CFAP92: variants seen among roughly 807,000 people sequenced by gnomAD.
The protein encoded by CFAP92 is cilia and flagella associated protein 92 (putative).
Under a neutral mutation model 106.3 loss-of-function variants are expected in CFAP92, and 86 were observed. The ratio of observed to expected loss-of-function variants is 0.81; its 90% confidence interval spans 0.68 to 0.97. The LOEUF is 0.97. CFAP92 is among the 50% of genes least tolerant of loss of function. The pLI, the probability that CFAP92 is intolerant of heterozygous loss-of-function variation, is 0.00. For synonymous variants in CFAP92, 477 were observed against 506.4 expected, an observed-to-expected ratio of 0.94 and a Z score of 0.78; for missense variants, 1,204 against 1,283.8, an observed-to-expected ratio of 0.94 and a Z score of 0.95.
chr3:128,992,931 T>G, intron 2 of CFAP92, 112 bp downstream of exon 2: 51 of 1,292,018 alleles, frequency 3.9e-5, no homozygotes, highest in African/African-American at 5.8e-5. Context: ...CCAGCCCGCT[T>G]TGGGGTGGGG....
chr3:128,962,891 C>T (rs1472787900), intron 9 of CFAP92, among the ~76,000 whole-genome samples: 2 of 152,162 alleles, frequency 1.3e-5, no homozygotes, highest in Non-Finnish European at 2.9e-5. Flanking sequence ...GTGCCAAACC[C>T]ATATACTCTC....
intron 15 of CFAP92, chr3:128,910,640 C>A: frequency 7.7e-7 from 1 of 1,299,828 alleles, no homozygotes. Context: ...CCTTGTGACC[C>A]CTGCCATGCT....
Position 128,910,482 on chromosome 3 carries a change from C to A in CFAP92, c.3281-149G>T. The stretch of plus-strand genomic sequence containing the variant: ...CTGTATACCAGGATCTCTGCCTGCA[C>A]TTTCCAGAGCACCTGCAGATACCAG... On this transcript the variant is annotated intron_variant, in intron 15 of 15. Coordinates refer to ENST00000645291, the MANE Select transcript of CFAP92 (RefSeq NM_001394090.1). 4.8e-6 allele frequency: 4 copies of A among 827,252 alleles called. No homozygotes were observed. The South Asian group carries it at 5.2e-5, about 11-fold the overall frequency. The allele number at this position is 827,252 out of a possible 1,614,324, so 51.2% of individuals were successfully genotyped here.
At chr3:128,993,557 A>G in intron 1 of CFAP92, 2 of 546,762 alleles carry the variant, frequency 3.7e-6, no homozygotes, top group South Asian at 4.2e-5. Flanking sequence ...GGCTGGCAGT[A>G]AGCACGACGA....
upstream of CFAP92, among the ~76,000 whole-genome samples, chr3:129,006,417 A>G (rs1168089908): frequency 6.6e-6 from 1 of 152,212 alleles, no homozygotes; most frequent in African/African-American, 2.4e-5. Context: ...CCCAGGTTCA[A>G]AAGATTCTCC....
At chr3:128,993,727 G>A in intron 1 of CFAP92, 1 of 293,348 alleles carries the variant, frequency 3.4e-6, no homozygotes, top group South Asian at 3.5e-5. Context: ...GCTATTTGGG[G>A]AGAGGCAAAC....
At chr3:128,943,734 A>G (rs1267524636) in intron 10 of CFAP92, among the ~76,000 whole-genome samples, 1 of 151,262 alleles carries the variant, frequency 6.6e-6, no homozygotes, top group Non-Finnish European at 1.5e-5. Flanking sequence ...ACAGGGTTTC[A>G]CCATGTTGGC....
chr3:128,918,940 A>ATTTTTTTTTTT (rs10573280), intron 12 of CFAP92, among the ~76,000 whole-genome samples: 11 of 105,872 alleles, frequency 1.0e-4, no homozygotes, highest in African/African-American at 3.8e-4. Flanking sequence ...CTCAGATTGG[A>ATTTTTTTTTTT]TTTTTTTTTT....
At position 128,945,201 on chromosome 3, in the gene CFAP92, G is replaced by A. The variant is rs181944650; in HGVS notation, c.2128C>T (p.Arg710Trp). The A allele has an allele frequency of 1.6e-3, 2,409 of 1,536,124 alleles. 8 individuals are homozygous for A. Among genetic ancestry groups the A allele is most frequent in the Non-Finnish European group, 2.0e-3 (2,293 of 1,146,922 alleles). ...TCCAGGTGCTGCTGCTCCTGGACCC[G>A]CACACGCACCTTGAAGGCTGACAGG... Reference protein sequence around the residue: ...QILSAFKVRVRVQEQQHLDVL... With the variant: ...QILSAFKVRVWVQEQQHLDVL... Residue 710 changes from arginine (R) to tryptophan (W), a missense_variant, in exon 10 of 16, where the codon CGG becomes TGG. Physicochemically the swap from Arg to Trp is moderately radical, Grantham distance 101. Coordinates refer to ENST00000645291, the MANE Select transcript of CFAP92 (RefSeq NM_001394090.1).
At chr3:128,953,132 A>G (rs1940975226) in intron 9 of CFAP92, among the ~76,000 whole-genome samples, 1 of 152,176 alleles carries the variant, frequency 6.6e-6, no homozygotes. Context: ...AATAACTGCA[A>G]TAAAAAAACT....
intron 9 of CFAP92, among the ~76,000 whole-genome samples, chr3:128,956,994 A>AAAAT: frequency 7.7e-6 from 1 of 129,058 alleles, no homozygotes; most frequent in Admixed American, 8.3e-5. Flanking sequence ...AAAAAAAAAA[A>AAAAT]AAAGAAATCA....
chr3:129,019,552 G>C, the CFAP92 span, among the ~76,000 whole-genome samples: 1 of 152,258 alleles, frequency 6.6e-6, no homozygotes, highest in African/African-American at 2.4e-5. Context: ...ACAAACAAGA[G>C]AGAACTACAG....
chr3:128,994,366 G>A (rs1447822954), upstream of CFAP92, among the ~76,000 whole-genome samples: 1 of 152,192 alleles, frequency 6.6e-6, no homozygotes, highest in African/African-American at 2.4e-5. Context: ...GGGGTTGATG[G>A]CTCCTTCCTC....
intron 1 of CFAP92, among the ~76,000 whole-genome samples, chr3:129,001,075 G>C (rs991251301): frequency 2.0e-5 from 3 of 152,246 alleles, no homozygotes; most frequent in African/African-American, 7.2e-5. Context: ...GAGCAGGCTT[G>C]CCAGGCAACC....
rs1943273048 is a variant in CFAP92 at position 128,978,062 on chromosome 3, T to C, written c.791A>G (p.His264Arg). Residue 264 changes from histidine (H) to arginine (R), a missense_variant, in exon 5 of 16, where the codon CAC becomes CGC. Physicochemically the swap from His to Arg is conservative, Grantham distance 29. Transcript: ENST00000645291. ...CCGCTCACCTTGCAAAGACTTTGGGTGTTTTTCTGTTTTTTCTTGTTTTCC... is the reference window on the plus strand; with the variant it reads ...CCGCTCACCTTGCAAAGACTTTGGGCGTTTTTCTGTTTTTTCTTGTTTTCC... Reference protein sequence around the residue: ...PPGKQEKTEKHPKSLQGSHQA... With the variant: ...PPGKQEKTEKRPKSLQGSHQA... 1.9e-6 allele frequency: 3 copies of C among 1,613,936 alleles called. No homozygotes were observed. Among genetic ancestry groups the C allele is most frequent in the Non-Finnish European group, 1.7e-6 (2 of 1,179,882 alleles).
chr3:128,943,029 C>A (rs1389010640), intron 10 of CFAP92, among the ~76,000 whole-genome samples: 8 of 149,666 alleles, frequency 5.3e-5, no homozygotes, highest in African/African-American at 1.7e-4. Context: ...AAGCGATTCT[C>A]CTGCCTCAGC....
intron 12 of CFAP92, among the ~76,000 whole-genome samples, chr3:128,929,260 G>C (rs1938063133): frequency 6.6e-6 from 1 of 152,192 alleles, no homozygotes; most frequent in South Asian, 2.1e-4. Flanking sequence ...CAAAAGGACG[G>C]ATAAGTGTTT....
intron 10 of CFAP92, among the ~76,000 whole-genome samples, chr3:128,936,524 C>T (rs1349054338): frequency 6.6e-6 from 1 of 152,104 alleles, no homozygotes; most frequent in African/African-American, 2.4e-5. Flanking sequence ...GGAGAAAGCA[C>T]CCAGGGCACG....
At chr3:129,000,946 A>C (rs781638939) in intron 1 of CFAP92, among the ~76,000 whole-genome samples, 1 of 152,180 alleles carries the variant, frequency 6.6e-6, no homozygotes, top group Non-Finnish European at 1.5e-5. Flanking sequence ...TCTCTTTCCC[A>C]GTTACTACTT....
Sources: allele counts gnomAD v4.1 joint callset (sites outside exome capture counted in the v4.1 genomes callset), GRCh38; gene constraint gnomAD v4.1.1; transcripts MANE v1.5; gene names NCBI Gene and HGNC (gene_info 2026-07-23, HGNC 2026-07-21).